The following PPM1B variants were observed in gnomAD, a reference collection of about 807,000 sequenced individuals.
PPM1B encodes the protein protein phosphatase 1B.
Under a neutral mutation model 43.0 loss-of-function variants are expected in PPM1B, and 22 were observed. The observed-to-expected ratio is 0.51, with a 90% CI of 0.37 to 0.73. The LOEUF is 0.73. PPM1B is among the 30% of genes least tolerant of loss of function. PPM1B has a pLI of 0.00. For synonymous variants in PPM1B, 217 were observed against 197.9 expected (o/e 1.10, Z -0.81); for missense variants, 632 against 584.2 (o/e 1.08, Z -0.84).
downstream of PPM1B, among the ~76,000 whole-genome samples, chr2:44,239,604 G>A (rs1172704485): frequency 6.6e-6 from 1 of 152,000 alleles, no homozygotes; most frequent in African/African-American, 2.4e-5. Context: ...GCTGAGGGGA[G>A]GCACATCTCA....
chr2:44,172,310 G>A (rs1667384870), intron 1 of PPM1B, among the ~76,000 whole-genome samples: 1 of 152,140 alleles, frequency 6.6e-6, no homozygotes, highest in South Asian at 2.1e-4. Context: ...TCGTATATTA[G>A]CAGAATTGAT....
downstream of PPM1B, among the ~76,000 whole-genome samples, chr2:44,245,151 C>G (rs77518040): frequency 3.8e-3 from 578 of 152,218 alleles, 2 homozygotes; most frequent in African/African-American, 0.013. Context: ...TGAGAACAGC[C>G]AATAAAGCAA....
intron 3 of PPM1B, chr2:44,213,773 A>G (rs1669592557): frequency 6.6e-6 from 1 of 152,192 alleles, no homozygotes; most frequent in Admixed American, 6.5e-5. Flanking sequence ...AACACATTGA[A>G]GATTATGTCA....
At chr2:44,191,775 A>G (rs934571991) in intron 1 of PPM1B, among the ~76,000 whole-genome samples, 1 of 151,928 alleles carries the variant, frequency 6.6e-6, no homozygotes, top group African/African-American at 2.4e-5. Flanking sequence ...CACTCTGGAG[A>G]TTTCTCATGC....
At chr2:44,177,557 T>G (rs931516043) in intron 1 of PPM1B, among the ~76,000 whole-genome samples, 1 of 151,740 alleles carries the variant, frequency 6.6e-6, no homozygotes, top group South Asian at 2.1e-4. Context: ...TAGCTGAGAT[T>G]ACAGGCACGT....
At chr2:44,179,429 A>C (rs1261190744) in intron 1 of PPM1B, among the ~76,000 whole-genome samples, 1 of 152,332 alleles carries the variant, frequency 6.6e-6, no homozygotes, top group South Asian at 2.1e-4. Flanking sequence ...GTTAGTGGCT[A>C]CTATACCAAA....
chr2:44,190,102 G>C (rs1668333220), intron 1 of PPM1B, among the ~76,000 whole-genome samples: 1 of 151,740 alleles, frequency 6.6e-6, no homozygotes, highest in Admixed American at 6.6e-5. Flanking sequence ...TTTGATACTA[G>C]TAGAGTGGAC....
At chr2:44,233,561 G>T (rs1431197622), downstream of PPM1B, 6 of 985,720 alleles carry the variant, frequency 6.1e-6, no homozygotes, top group Non-Finnish European at 7.2e-6. Flanking sequence ...ACATGTTGTG[G>T]ATGCTTTGTA....
At chr2:44,186,848 C>G (rs1668148564) in intron 1 of PPM1B, among the ~76,000 whole-genome samples, 1 of 152,170 alleles carries the variant, frequency 6.6e-6, no homozygotes, top group Non-Finnish European at 1.5e-5. Flanking sequence ...TAGCTCTACT[C>G]TTACCCCCAA....
intron 5 of PPM1B, among the ~76,000 whole-genome samples, chr2:44,224,204 C>A (rs1670107682): frequency 6.6e-6 from 1 of 151,944 alleles, no homozygotes; most frequent in South Asian, 2.1e-4. Flanking sequence ...GCCTGTAATC[C>A]CAACACTTTG....
At chr2:44,183,369 C>T (rs538002614) in intron 1 of PPM1B, among the ~76,000 whole-genome samples, 3 of 152,318 alleles carry the variant, frequency 2.0e-5, no homozygotes, top group East Asian at 3.9e-4. Context: ...CTTGAACATT[C>T]TTCCCGTGTG....
intron 3 of PPM1B, among the ~76,000 whole-genome samples, chr2:44,211,288 T>C (rs1443353554): frequency 6.6e-6 from 1 of 152,246 alleles, no homozygotes; most frequent in East Asian, 1.9e-4. Flanking sequence ...CATGCCTCTT[T>C]AGTCTCCCTC....
intron 2 of PPM1B, among the ~76,000 whole-genome samples, chr2:44,208,361 C>G (rs544855344): frequency 1.3e-5 from 2 of 152,276 alleles, no homozygotes; most frequent in South Asian, 4.1e-4. Context: ...ACAGTTGGAT[C>G]TCAGTTGTCC....
chr2:44,219,971 T>G (rs573805859), intron 5 of PPM1B, among the ~76,000 whole-genome samples: 9 of 150,142 alleles, frequency 6.0e-5, no homozygotes, highest in African/African-American at 2.2e-4. Context: ...GACCCAAAGC[T>G]GAGAAAATTA....
intron 1 of PPM1B, among the ~76,000 whole-genome samples, chr2:44,196,204 C>G (rs1230783933): frequency 6.6e-6 from 1 of 152,212 alleles, no homozygotes; most frequent in East Asian, 1.9e-4. Context: ...TACCACGTTA[C>G]ATTTAGTCAT....
Position 44,231,174 on chromosome 2 carries a change from C to A in PPM1B, c.*456C>A. 2.0e-6 allele frequency: 2 copies of A among 983,084 alleles called. No homozygotes were observed. Among genetic ancestry groups the A allele is most frequent in the Non-Finnish European group, 2.4e-6 (2 of 827,874 alleles). The allele number at this position is 983,084 out of a possible 1,614,324, so 60.9% of individuals were successfully genotyped here. On this transcript the variant is annotated 3_prime_UTR_variant, in exon 6 of 6. Coordinates refer to ENST00000282412, the MANE Select transcript of PPM1B (RefSeq NM_002706.6). Reference sequence around the variant, plus strand: ...TTAGTTCTTCAAAGAATGGCTGATGCTGGCCTGTAATTTTTCTTTCAAGGA... The same window carrying A: ...TTAGTTCTTCAAAGAATGGCTGATGATGGCCTGTAATTTTTCTTTCAAGGA...
intron 5 of PPM1B, among the ~76,000 whole-genome samples, chr2:44,242,977 G>C (rs2104297017): frequency 6.6e-6 from 1 of 152,094 alleles, no homozygotes; most frequent in African/African-American, 2.4e-5. Context: ...TCACAGATTG[G>C]ACTAAGACCA....
chr2:44,181,560 AT>A (rs1332020322), intron 1 of PPM1B, among the ~76,000 whole-genome samples: 1 of 152,190 alleles, frequency 6.6e-6, no homozygotes, highest in Non-Finnish European at 1.5e-5. Context: ...TAAAATTAGG[AT>A]GGTAGGGTGA....
At chr2:44,196,160 T>C (rs549779281) in intron 1 of PPM1B, among the ~76,000 whole-genome samples, 1 of 152,372 alleles carries the variant, frequency 6.6e-6, no homozygotes, top group South Asian at 2.1e-4. Flanking sequence ...TTTAACCTAA[T>C]GTCCTTTTTC....
Sources: gnomAD v4.1 joint callset for allele counts (sites outside exome capture counted in the v4.1 genomes callset) on GRCh38, gnomAD v4.1.1 for gene constraint, MANE v1.5 for transcripts, NCBI Gene and HGNC (gene_info 2026-07-23, HGNC 2026-07-21) for gene names.